RHOH: variants seen among roughly 807,000 people sequenced by gnomAD.
RHOH encodes the protein rho-related GTP-binding protein RhoH.
In RHOH, 6 loss-of-function variants were observed where a neutral mutation model predicts 13.8. That is an observed-to-expected ratio of 0.44 (90% CI 0.24 to 0.86). RHOH has a LOEUF of 0.86. Among genes scored for constraint, RHOH ranks in the 40% least tolerant of loss-of-function variants. RHOH has a pLI of 0.24. For synonymous variants in RHOH, 117 were observed against 103.0 expected (o/e 1.14, Z -0.82); for missense variants, 147 against 244.5 (o/e 0.60, Z 2.66).
intron 1 of RHOH, among the ~76,000 whole-genome samples, chr4:40,213,424 G>A (rs926277102): frequency 6.7e-6 from 1 of 150,346 alleles, no homozygotes; most frequent in Admixed American, 6.7e-5. Context: ...GGTTTGTAAA[G>A]CCTCATGGGA....
intron 1 of RHOH, chr4:40,212,849 C>T (rs1725423565): frequency 6.6e-6 from 1 of 152,178 alleles, no homozygotes; most frequent in South Asian, 2.1e-4. Context: ...TGGCTGAAAC[C>T]CCCAGGGTCA....
At chr4:40,237,174 C>T (rs1016273153) in intron 1 of RHOH, among the ~76,000 whole-genome samples, 10 of 152,106 alleles carry the variant, frequency 6.6e-5, no homozygotes, top group African/African-American at 1.2e-4. Context: ...AAGCACTGGC[C>T]GGGTAAGGTG....
At chr4:40,214,745 C>T (rs1725678163) in intron 1 of RHOH, among the ~76,000 whole-genome samples, 1 of 152,194 alleles carries the variant, frequency 6.6e-6, no homozygotes, top group Non-Finnish European at 1.5e-5. Context: ...TAATGGACTT[C>T]CCCAGTTTTG....
At chr4:40,238,569 T>C (rs1044519337) in intron 1 of RHOH, among the ~76,000 whole-genome samples, 1 of 152,142 alleles carries the variant, frequency 6.6e-6, no homozygotes, top group African/African-American at 2.4e-5. Context: ...CCCTCCTCTG[T>C]CTCTGTGCGT....
chr4:40,231,662 C>T lies in RHOH; in HGVS notation c.-330-11052C>T, dbSNP rs751477563. ...TTGTTTCAGGCCTGCGTGTCAGTTC[C>T]GCCTCGTGGATGTTGCTGGGGCTTC... On this transcript the variant is annotated intron_variant, in intron 1 of 2. Transcript: ENST00000381799. Among the ~76,000 whole-genome samples the T allele has an allele frequency of 4.6e-5, 7 of 152,220 alleles. No homozygotes were observed. In the South Asian group the frequency reaches 6.2e-4, roughly 13 times the overall value.
At position 40,207,436 on chromosome 4, in the gene RHOH, C is replaced by G. The variant is rs571290947; in HGVS notation, c.-331+10136C>G. Among the ~76,000 whole-genome samples, 23 of 152,128 alleles carry G rather than the reference C, an allele frequency of 1.5e-4. 2 individuals are homozygous for G. In the South Asian group the frequency reaches 4.8e-3, roughly 32 times the overall value. ...AAAGCAATTGAAATGTACATTGTGG[C>G]AGTGTTTCTATTACATTCTAGAGCT... On this transcript the variant is annotated intron_variant, in intron 1 of 2. Transcript: ENST00000381799.
At chr4:40,196,663 A>G (rs147814433), upstream of RHOH, among the ~76,000 whole-genome samples, 83 of 151,176 alleles carry the variant, frequency 5.5e-4, no homozygotes, top group African/African-American at 1.9e-3. Context: ...CCTAAGCTCA[A>G]ATTAACCAAG....
chr4:40,207,446 A>G (rs560851687), intron 1 of RHOH, among the ~76,000 whole-genome samples: 65 of 152,082 alleles, frequency 4.3e-4, no homozygotes, highest in African/African-American at 1.4e-3. Flanking sequence ...CAGTGTTTCT[A>G]TTACATTCTA....
intron 1 of RHOH, among the ~76,000 whole-genome samples, chr4:40,239,720 A>G (rs528927552): frequency 1.3e-5 from 2 of 152,114 alleles, no homozygotes; most frequent in African/African-American, 4.8e-5. Flanking sequence ...CTCCACTAAA[A>G]ATACAAAAAT....
At chr4:40,210,846 G>T (rs895366311) in intron 1 of RHOH, among the ~76,000 whole-genome samples, 4 of 152,132 alleles carry the variant, frequency 2.6e-5, no homozygotes, top group African/African-American at 7.2e-5. Context: ...TTTGTCTATG[G>T]TATTAAAATT....
At chr4:40,215,921 A>G (rs202136087) in intron 1 of RHOH, among the ~76,000 whole-genome samples, 1 of 152,176 alleles carries the variant, frequency 6.6e-6, no homozygotes, top group East Asian at 1.9e-4. Flanking sequence ...CTCTGTATCA[A>G]AAAACAAACA....
At chr4:40,200,839 C>T (rs1471939085) in intron 1 of RHOH, among the ~76,000 whole-genome samples, 1 of 152,198 alleles carries the variant, frequency 6.6e-6, no homozygotes, top group Non-Finnish European at 1.5e-5. Context: ...GGGGATGTTG[C>T]TTTCAAGCGA....
At chr4:40,193,265 A>T (rs1722792193), upstream of RHOH, 1 of 152,256 alleles carries the variant, frequency 6.6e-6, no homozygotes, top group African/African-American at 2.4e-5. Context: ...CCCAGTTACG[A>T]ACTGTGGACC....
chr4:40,203,316 G>A (rs950293350), intron 1 of RHOH, among the ~76,000 whole-genome samples: 17 of 152,158 alleles, frequency 1.1e-4, no homozygotes, highest in Admixed American at 7.9e-4. Flanking sequence ...GGATGAGTGC[G>A]GGAAGAGTTA....
At position 40,246,808 on chromosome 4, in the gene RHOH, C is replaced by T. The variant is rs1729793341; in HGVS notation, c.*2846C>T. On this transcript the variant is annotated 3_prime_UTR_variant, in exon 3 of 3. Coordinates refer to ENST00000381799, the MANE Select transcript of RHOH (RefSeq NM_004310.5). ...TAGAATCCGTGTGTTGTGTGTTCTA[C>T]ATAAGCACATACTTACTTTTGCCTG... is the stretch of plus-strand genomic sequence containing the variant. 6.6e-6 allele frequency: 1 copy of T among 152,218 alleles called. No homozygotes were observed. Among genetic ancestry groups the T allele is most frequent in the African/African-American group, 2.4e-5 (1 of 41,450 alleles). The allele number at this position is 152,218 out of a possible 1,614,324, so 9.4% of individuals were successfully genotyped here. A position where few individuals can be genotyped will look rare whatever the true frequency, so the allele number is the denominator to read the frequency against.
At chr4:40,215,080 A>G (rs1327003666) in intron 1 of RHOH, among the ~76,000 whole-genome samples, 2 of 152,222 alleles carry the variant, frequency 1.3e-5, no homozygotes, top group South Asian at 2.1e-4. Context: ...GAAGCCAAGA[A>G]CATGGCAAAT....
chr4:40,243,199 T>A lies in RHOH; in HGVS notation c.-188T>A. 6 of 451,430 alleles carry A rather than the reference T, an allele frequency of 1.3e-5. No homozygotes were observed. Among genetic ancestry groups the A allele is most frequent in the Non-Finnish European group, 2.4e-5 (6 of 251,846 alleles). The allele number at this position is 451,430 out of a possible 1,614,324, so 28.0% of individuals were successfully genotyped here. ...CCAGTTGAAGACTAGGCTTTGGAGG[T>A]TTTCAAAGCAGACGGTGCTTGGATG... On this transcript the variant is annotated 5_prime_UTR_variant, in exon 3 of 3. Transcript: ENST00000381799. This position sits in a 1 kb window ranked among gnomAD's most constrained non-coding sequence, Gnocchi z 6.2.
chr4:40,240,509 A>G (rs1355049939), intron 1 of RHOH, among the ~76,000 whole-genome samples: 1 of 151,912 alleles, frequency 6.6e-6, no homozygotes, highest in Non-Finnish European at 1.5e-5. Flanking sequence ...GTGTGTGGTG[A>G]CTCACGCCTG....
intron 1 of RHOH, among the ~76,000 whole-genome samples, chr4:40,228,744 C>T (rs923778794): frequency 2.0e-5 from 3 of 152,138 alleles, no homozygotes; most frequent in African/African-American, 7.2e-5. Context: ...ATAGAAACCT[C>T]CAAAGCCCCC....
Sources: allele counts gnomAD v4.1 joint callset (sites outside exome capture counted in the v4.1 genomes callset), GRCh38; gene constraint gnomAD v4.1.1; non-coding constraint Gnocchi (gnomAD v3.1); transcripts MANE v1.5; gene names NCBI Gene and HGNC (gene_info 2026-07-23, HGNC 2026-07-21).